Variants in MRPL13 observed in about 807,000 individuals in gnomAD.
The protein encoded by MRPL13 is mitochondrial ribosomal protein L13.
Under a neutral mutation model 29.0 loss-of-function variants are expected in MRPL13, and 33 were observed. The observed-to-expected ratio is 1.14, with a 90% confidence interval of 0.86 to 1.52. The LOEUF is 1.52. Ranked by LOEUF, MRPL13 falls within the 40% of genes most tolerant of loss-of-function variation. The probability of loss-of-function intolerance (pLI) is 0.00; values close to 1 mark genes in which losing one functional copy is unlikely to be tolerated. For synonymous variants in MRPL13, 77 were observed against 68.4 expected, an observed-to-expected ratio of 1.13 and a Z score of -0.62; for missense variants, 227 against 216.7, an observed-to-expected ratio of 1.05 and a Z score of -0.30.
chr8:120,404,378 T>C (rs1473575853), intron 6 of MRPL13, among the ~76,000 whole-genome samples: 1 of 152,202 alleles, frequency 6.6e-6, no homozygotes, highest in Non-Finnish European at 1.5e-5. Flanking sequence ...AGAAGTAAAA[T>C]TGAATGGTAT....
At chr8:120,413,822 G>A (rs1223087151) in intron 6 of MRPL13, among the ~76,000 whole-genome samples, 169 bp downstream of exon 6, 1 of 151,966 alleles carries the variant, frequency 6.6e-6, no homozygotes, top group Non-Finnish European at 1.5e-5. Context: ...AAAATTTTTG[G>A]TTCTAATACC....
intron 1 of MRPL13, among the ~76,000 whole-genome samples, 197 bp from the exon 2 acceptor site, chr8:120,443,505 A>T (rs1388899135): frequency 6.6e-6 from 1 of 152,268 alleles, no homozygotes; most frequent in African/African-American, 2.4e-5. Context: ...TGTTTTTTCT[A>T]ATCATTCTGC....
intron 2 of MRPL13, 49 bp from the exon 3 acceptor site, chr8:120,432,172 A>C (rs2130479858): frequency 1.4e-6 from 2 of 1,418,590 alleles, no homozygotes; most frequent in East Asian, 4.8e-5. Flanking sequence ...AAAAACCTTA[A>C]GAAAAAGTGG....
chr8:120,427,242 T>C (rs951139247), intron 3 of MRPL13, among the ~76,000 whole-genome samples: 1 of 152,192 alleles, frequency 6.6e-6, no homozygotes, highest in Non-Finnish European at 1.5e-5. Context: ...TTCAGCTGCA[T>C]ATCAAAAGAC....
chr8:120,425,003 C>T (rs990908725), intron 4 of MRPL13, among the ~76,000 whole-genome samples: 1 of 152,034 alleles, frequency 6.6e-6, no homozygotes, highest in Non-Finnish European at 1.5e-5. Flanking sequence ...ACATATATCT[C>T]TCTCCTTTCC....
intron 5 of MRPL13, among the ~76,000 whole-genome samples, chr8:120,416,278 A>G (rs1031946639): frequency 7.9e-5 from 12 of 152,098 alleles, no homozygotes; most frequent in African/African-American, 2.9e-4. Flanking sequence ...GTGGATCACG[A>G]GGTCAGGAGA....
intron 2 of MRPL13, among the ~76,000 whole-genome samples, chr8:120,442,268 G>T (rs12545343): frequency 0.53 from 80,485 of 152,076 alleles, 24,585 homozygotes; most frequent in Non-Finnish European, 0.67. Flanking sequence ...GCATGATAAA[G>T]ACTCAATAGT....
intron 3 of MRPL13, among the ~76,000 whole-genome samples, chr8:120,427,850 C>A (rs558621393): frequency 6.6e-6 from 1 of 151,742 alleles, no homozygotes; most frequent in African/African-American, 2.4e-5. Context: ...CACAGACAAA[C>A]GGAAAAACAC....
At chr8:120,430,906 T>C (rs561368442) in intron 3 of MRPL13, among the ~76,000 whole-genome samples, 4 of 152,334 alleles carry the variant, frequency 2.6e-5, no homozygotes, top group Admixed American at 2.6e-4. Flanking sequence ...GTGTCAATAC[T>C]TCCCTTTATG....
In MRPL13 at chr8:120,445,110, G is replaced by A. The variant is rs747720778; in HGVS notation, c.-16C>T. 3.1e-6 allele frequency: 5 copies of A among 1,613,976 alleles called. No individual in the cohort carries two copies. The South Asian group carries it at 5.5e-5, about 18-fold the overall frequency. ...AACTCGACATATTCCTCTACTAGCA[G>A]GACCGTACGTCCTTCTCCTAGTAGC... On this transcript the variant is annotated 5_prime_UTR_variant, in exon 1 of 7. Coordinates refer to ENST00000306185, the MANE Select transcript of MRPL13 (RefSeq NM_014078.6).
intron 6 of MRPL13, among the ~76,000 whole-genome samples, chr8:120,400,712 A>G (rs1293000362): frequency 8.0e-6 from 1 of 125,708 alleles, no homozygotes; most frequent in African/African-American, 3.7e-5. Flanking sequence ...AAATAAATAA[A>G]TAAATAAATA....
At chr8:120,427,453 T>C (rs901448443) in intron 3 of MRPL13, among the ~76,000 whole-genome samples, 7 of 152,006 alleles carry the variant, frequency 4.6e-5, no homozygotes, top group Admixed American at 6.6e-5. Context: ...AAAAAATCAA[T>C]GGACAAAGAC....
intron 6 of MRPL13, among the ~76,000 whole-genome samples, chr8:120,410,404 A>C (rs1419725920): frequency 6.6e-6 from 1 of 152,192 alleles, no homozygotes; most frequent in Non-Finnish European, 1.5e-5. Context: ...AAGGAGAAAA[A>C]AATTTTTTTC....
At chr8:120,432,898 C>T (rs780330013) in intron 2 of MRPL13, among the ~76,000 whole-genome samples, 3 of 151,880 alleles carry the variant, frequency 2.0e-5, no homozygotes, top group Non-Finnish European at 4.4e-5. Flanking sequence ...ACCTATTTTA[C>T]TAATAGAAAA....
intron 6 of MRPL13, among the ~76,000 whole-genome samples, chr8:120,407,648 TAAAAC>T (rs55919521): frequency 0.083 from 12,185 of 146,148 alleles, 785 homozygotes; most frequent in African/African-American, 0.18. Flanking sequence ...AAACTCCATC[TAAAAC>T]AAAACAAAAC....
chr8:120,442,545 A>T (rs905621656), intron 2 of MRPL13, among the ~76,000 whole-genome samples: 3 of 152,204 alleles, frequency 2.0e-5, no homozygotes, highest in Non-Finnish European at 4.4e-5. Flanking sequence ...AGCTAAATAA[A>T]AATGTGATCA....
At position 120,443,324 on chromosome 8, in the gene MRPL13, A is replaced by T. The variant is rs773229871; in HGVS notation, c.28-16T>A. On this transcript the variant is annotated splice_polypyrimidine_tract_variant and intron_variant, in intron 1 of 6. Coordinates refer to ENST00000306185, the MANE Select transcript of MRPL13 (RefSeq NM_014078.6). The stretch of plus-strand genomic sequence containing the variant: ...TGGCCCATTGCTTGGGGGGGAAAAA[A>T]AAAAAAAAGAAGAGGAAAAAATAAA... 58 of 1,554,354 alleles carry T rather than the reference A, an allele frequency of 3.7e-5. No homozygotes were observed. Among genetic ancestry groups the T allele is most frequent in the Non-Finnish European group, 5.0e-5 (58 of 1,157,124 alleles).
intron 3 of MRPL13, among the ~76,000 whole-genome samples, chr8:120,427,087 A>C (rs1164993393): frequency 1.3e-5 from 2 of 152,210 alleles, no homozygotes; most frequent in African/African-American, 2.4e-5. Context: ...GCATGTAATA[A>C]TATAAAATTA....
intron 6 of MRPL13, among the ~76,000 whole-genome samples, chr8:120,406,658 T>C (rs938408812): frequency 1.3e-5 from 2 of 150,958 alleles, no homozygotes; most frequent in African/African-American, 4.8e-5. Flanking sequence ...TACTTATATA[T>C]AAAAATATAT....
Sources: gnomAD v4.1 joint callset for allele counts (sites outside exome capture counted in the v4.1 genomes callset) on GRCh38, gnomAD v4.1.1 for gene constraint, MANE v1.5 for transcripts, NCBI Gene and HGNC (gene_info 2026-07-23, HGNC 2026-07-21) for gene names.